Variants in ENTREP2 observed in about 807,000 individuals in gnomAD.
ENTREP2 encodes the protein protein ENTREP2.
chr15:29,667,192 CTTT>C, the ENTREP2 span, among the ~76,000 whole-genome samples: 2 of 144,348 alleles, frequency 1.4e-5, no homozygotes, highest in African/African-American at 2.5e-5. Flanking sequence ...CTTTTCTTTC[CTTT>C]TTTTTTTTTT....
At chr15:29,657,069 A>C in the ENTREP2 span, among the ~76,000 whole-genome samples, 1 of 151,974 alleles carries the variant, frequency 6.6e-6, no homozygotes, top group Non-Finnish European at 1.5e-5. Context: ...TCTTTTTGAG[A>C]CCGAGTCTCC....
chr15:29,189,727 T>A, the ENTREP2 span, among the ~76,000 whole-genome samples: 3 of 152,192 alleles, frequency 2.0e-5, no homozygotes, highest in African/African-American at 7.2e-5. Flanking sequence ...ACAGTTCTGA[T>A]TTTTGTAACT....
At chr15:29,418,216 C>T in the ENTREP2 span, among the ~76,000 whole-genome samples, 1 of 152,188 alleles carries the variant, frequency 6.6e-6, no homozygotes, top group Non-Finnish European at 1.5e-5. Flanking sequence ...CCCCTGCTTA[C>T]CAGCTCTCCC....
chr15:29,155,236 C>T, the ENTREP2 span, among the ~76,000 whole-genome samples: 161 of 150,072 alleles, frequency 1.1e-3, no homozygotes, highest in Admixed American at 6.6e-3. Context: ...GAGCCAAGAT[C>T]GCGCCACTGC....
chr15:29,135,908 T>C, the ENTREP2 span, among the ~76,000 whole-genome samples: 13 of 151,508 alleles, frequency 8.6e-5, no homozygotes, highest in East Asian at 2.6e-3. The surrounding 1 kb of genome is among the most constrained non-coding windows in gnomAD (Gnocchi z 7.4). Context: ...GCGCCCTGGG[T>C]ACTCGGTCCA....
chr15:29,578,005 G>A, the ENTREP2 span, among the ~76,000 whole-genome samples: 1 of 152,252 alleles, frequency 6.6e-6, no homozygotes, highest in South Asian at 2.1e-4. Flanking sequence ...GAGATGGTTG[G>A]TGGTGCTACT....
At chr15:29,216,383 G>A in the ENTREP2 span, among the ~76,000 whole-genome samples, 3 of 152,192 alleles carry the variant, frequency 2.0e-5, no homozygotes, top group East Asian at 5.8e-4. Context: ...GTGCTTCTGT[G>A]TCACAGCTCT....
At chr15:29,193,878 T>C in the ENTREP2 span, among the ~76,000 whole-genome samples, 1 of 152,312 alleles carries the variant, frequency 6.6e-6, no homozygotes, top group Middle Eastern at 3.4e-3. Context: ...ACCATTAGGA[T>C]AGCACCAATA....
the ENTREP2 span, among the ~76,000 whole-genome samples, chr15:29,522,936 G>GA: frequency 3.3e-5 from 5 of 152,112 alleles, no homozygotes; most frequent in African/African-American, 1.2e-4. Flanking sequence ...AAGCTTAAAG[G>GA]AAAAAGCCAT....
the ENTREP2 span, among the ~76,000 whole-genome samples, chr15:29,526,483 A>G: frequency 6.6e-6 from 1 of 151,736 alleles, no homozygotes; most frequent in Non-Finnish European, 1.5e-5. Flanking sequence ...TTTTTTTCAG[A>G]GACAGGGTTT....
chr15:29,533,461 G>A, the ENTREP2 span, among the ~76,000 whole-genome samples: 2 of 152,164 alleles, frequency 1.3e-5, no homozygotes, highest in African/African-American at 2.4e-5. Context: ...GACTAGACTC[G>A]GGGATAAGAA....
chr15:29,657,453 C>A, the ENTREP2 span, among the ~76,000 whole-genome samples: 2 of 129,006 alleles, frequency 1.6e-5, no homozygotes, highest in African/African-American at 6.3e-5. Context: ...GAAGTGGACC[C>A]CTGCGAGTTG....
the ENTREP2 span, among the ~76,000 whole-genome samples, chr15:29,301,499 G>C: frequency 6.6e-6 from 1 of 152,164 alleles, no homozygotes; most frequent in Non-Finnish European, 1.5e-5. Flanking sequence ...AGAGTTGACA[G>C]AAAAACACTT....
At chr15:29,365,946 C>T in the ENTREP2 span, among the ~76,000 whole-genome samples, 39 of 152,274 alleles carry the variant, frequency 2.6e-4, no homozygotes, top group African/African-American at 8.4e-4. Context: ...CGCTGAAACA[C>T]GTGTCCTGTG....
At chr15:29,326,394 T>C in the ENTREP2 span, among the ~76,000 whole-genome samples, 2 of 152,148 alleles carry the variant, frequency 1.3e-5, no homozygotes, top group African/African-American at 2.4e-5. Flanking sequence ...AATATTAATA[T>C]ACAAAAGTCA....
At chr15:29,480,065 T>C in the ENTREP2 span, among the ~76,000 whole-genome samples, 1 of 152,214 alleles carries the variant, frequency 6.6e-6, no homozygotes, top group African/African-American at 2.4e-5. Flanking sequence ...TGCACTGATG[T>C]GATCTGTTAT....
the ENTREP2 span, chr15:29,151,743 G>GAC: frequency 6.4e-7 from 1 of 1,551,464 alleles, no homozygotes; most frequent in South Asian, 1.2e-5. Flanking sequence ...CCATCTGCAG[G>GAC]ACATCGGAGG....
At chr15:29,162,267 C>G in the ENTREP2 span, among the ~76,000 whole-genome samples, 1 of 152,196 alleles carries the variant, frequency 6.6e-6, no homozygotes, top group Admixed American at 6.5e-5. Flanking sequence ...AAGGAAATCT[C>G]TAGCTGAAAT....
At chr15:29,416,591 A>G in the ENTREP2 span, among the ~76,000 whole-genome samples, 13 of 152,234 alleles carry the variant, frequency 8.5e-5, no homozygotes, top group East Asian at 1.7e-3. Flanking sequence ...GCATGGGCAA[A>G]GACTTCATGT....
Sources: gnomAD v4.1 joint callset for allele counts (sites outside exome capture counted in the v4.1 genomes callset) on GRCh38, gnomAD v4.1.1 for gene constraint, Gnocchi (gnomAD v3.1) non-coding constraint, MANE v1.5 for transcripts, NCBI Gene and HGNC (gene_info 2026-07-23, HGNC 2026-07-21) for gene names.